The following SUCLG2 variants were observed in gnomAD, a reference collection of about 807,000 sequenced individuals.
The protein encoded by SUCLG2 is succinate-CoA ligase GDP-forming subunit beta, also known as succinate--CoA ligase [GDP-forming] subunit beta, mitochondrial.
Under a neutral mutation model 47.9 loss-of-function variants are expected in SUCLG2, and 42 were observed. That is an observed-to-expected ratio of 0.88 (90% CI 0.69 to 1.14). SUCLG2 has a LOEUF of 1.14. Ranked by LOEUF, SUCLG2 falls within the 50% of genes most tolerant of loss-of-function variation. The pLI is 0.00. For missense variants in SUCLG2, 571 were observed against 525.9 expected (o/e 1.09, Z -0.84); for synonymous variants, 195 against 197.3 (o/e 0.99, Z 0.10).
At chr3:67,609,391 A>T in intron 2 of SUCLG2, 64 bp downstream of exon 2, 1 of 1,546,306 alleles carries the variant, frequency 6.5e-7, no homozygotes, top group Non-Finnish European at 8.8e-7. Flanking sequence ...AACTAGTGGG[A>T]AGCCACTACC....
chr3:67,631,485 G>A lies in SUCLG2; in HGVS notation c.85-21889C>T, dbSNP rs949189873. Among the ~76,000 whole-genome samples the A allele has an allele frequency of 3.9e-5, 6 of 152,164 alleles. No homozygotes were observed. In the South Asian group the frequency reaches 8.3e-4, roughly 21 times the overall value. ...TCTACCAAAAATACAAAAAGTAGCC[G>A]GGCGTGGTGGATACGCCTGTAATCC... On this transcript the variant is annotated intron_variant, in intron 1 of 10. Transcript: ENST00000307227.
chr3:67,410,026 T>C (rs1423653277), intron 9 of SUCLG2, among the ~76,000 whole-genome samples: 2 of 152,214 alleles, frequency 1.3e-5, no homozygotes, highest in Non-Finnish European at 2.9e-5. Flanking sequence ...TCTACCTTAA[T>C]GTGAACTTTA....
At chr3:67,443,999 C>T (rs1187759059) in intron 9 of SUCLG2, among the ~76,000 whole-genome samples, 20 of 118,388 alleles carry the variant, frequency 1.7e-4, no homozygotes, top group East Asian at 3.3e-4. Context: ...CCGCCCCATC[C>T]GGGAGGGAGG....
intron 2 of SUCLG2, among the ~76,000 whole-genome samples, chr3:67,561,548 C>A (rs998575055): frequency 3.9e-5 from 6 of 152,260 alleles, no homozygotes; most frequent in Non-Finnish European, 8.8e-5. Context: ...AAAAAATGAG[C>A]TGGAAGATTA....
chr3:67,563,103 T>A (rs1431160647), intron 2 of SUCLG2, among the ~76,000 whole-genome samples: 1 of 149,216 alleles, frequency 6.7e-6, no homozygotes, highest in African/African-American at 2.4e-5. Flanking sequence ...AATTTTAATA[T>A]ATAATACATA....
chr3:67,563,959 CAA>C (rs756674869), intron 2 of SUCLG2, among the ~76,000 whole-genome samples: 939 of 78,086 alleles, frequency 0.012, 4 homozygotes, highest in East Asian at 0.037. Context: ...GACTCTGTCT[CAA>C]AAAAAAAAAA....
At chr3:67,543,084 G>T (rs925705930) in intron 2 of SUCLG2, among the ~76,000 whole-genome samples, 13 of 152,124 alleles carry the variant, frequency 8.5e-5, no homozygotes, top group Non-Finnish European at 1.8e-4. Context: ...ACATTCCTCA[G>T]CAAATGCAAA....
Position 67,503,110 on chromosome 3 carries a change from A to C in SUCLG2, c.758-4815T>G, listed in dbSNP as rs537010518. On this transcript the variant is annotated intron_variant, in intron 7 of 10. Transcript: ENST00000307227. ...GGCTGCCTTCCCAAGACAAAAGCAGAGGTGAGTAGTTGCAATACAGACTGT... is the reference window on the plus strand; with the variant it reads ...GGCTGCCTTCCCAAGACAAAAGCAGCGGTGAGTAGTTGCAATACAGACTGT... Among the ~76,000 whole-genome samples, 3 of 152,310 alleles carry C rather than the reference A, an allele frequency of 2.0e-5. No individual in the cohort carries two copies. In the East Asian group the frequency reaches 5.8e-4, roughly 29 times the overall value.
At position 67,375,137 on chromosome 3, in the gene SUCLG2, TATTA is replaced by T; in HGVS notation, c.*603_*606del. The stretch of plus-strand genomic sequence containing the variant: ...AAATGGTAAAAACACATGGATGGTA[TATTA>T]ATGCAGATATTCCATTATTAAATAT... On this transcript the variant is annotated 3_prime_UTR_variant, in exon 11 of 11. Coordinates refer to ENST00000307227, the MANE Select transcript of SUCLG2 (RefSeq NM_003848.4). 6.1e-6 allele frequency: 6 copies of T among 985,566 alleles called. No homozygotes were observed. Among genetic ancestry groups the T allele is most frequent in the Non-Finnish European group, 7.2e-6 (6 of 829,692 alleles). 61.1% of individuals were successfully genotyped at this position (985,566 alleles called of 1,614,324 possible).
chr3:67,387,280 G>A (rs1702279782), intron 10 of SUCLG2, among the ~76,000 whole-genome samples: 1 of 152,166 alleles, frequency 6.6e-6, no homozygotes, highest in Admixed American at 6.5e-5. Flanking sequence ...GTCAATGAGT[G>A]CATCAGTATT....
At chr3:67,604,966 T>C (rs750919094) in intron 2 of SUCLG2, among the ~76,000 whole-genome samples, 1 of 152,210 alleles carries the variant, frequency 6.6e-6, no homozygotes, top group Non-Finnish European at 1.5e-5. Context: ...TCCTAACACA[T>C]GATTAACAGG....
chr3:67,504,763 T>C (rs754105565), intron 7 of SUCLG2, among the ~76,000 whole-genome samples: 3 of 152,140 alleles, frequency 2.0e-5, no homozygotes, highest in Non-Finnish European at 2.9e-5. Flanking sequence ...GGAGTCTGTG[T>C]ACAGATAGAG....
Position 67,570,502 on chromosome 3 carries a change from G to T in SUCLG2, c.226+38953C>A, listed in dbSNP as rs116638846. 7.3e-3 allele frequency among the ~76,000 whole-genome samples: 1,110 copies of T among 152,266 alleles called. 12 individuals are homozygous for T. The highest frequency in any genetic ancestry group is 0.025 in the African/African-American group (1,051 of 41,546). ...GTCTTGGGAAAGAACAATTAAGGTG[G>T]GGCCAGCTACAGCCAATAGTCTTAG... On this transcript the variant is annotated intron_variant, in intron 2 of 10. Coordinates refer to ENST00000307227, the MANE Select transcript of SUCLG2 (RefSeq NM_003848.4).
At chr3:67,450,574 C>T (rs1559531285) in intron 9 of SUCLG2, among the ~76,000 whole-genome samples, 1 of 152,174 alleles carries the variant, frequency 6.6e-6, no homozygotes, top group Non-Finnish European at 1.5e-5. Flanking sequence ...CCTATATGCC[C>T]ATCATCTAGA....
At chr3:67,481,305 C>CCA (rs1704909500) in intron 9 of SUCLG2, among the ~76,000 whole-genome samples, 1 of 152,212 alleles carries the variant, frequency 6.6e-6, no homozygotes, top group Non-Finnish European at 1.5e-5. Flanking sequence ...ATGGGTCCAA[C>CCA]CACACACTTT....
At chr3:67,511,645 G>A (rs184458760) in intron 6 of SUCLG2, among the ~76,000 whole-genome samples, 52 of 152,228 alleles carry the variant, frequency 3.4e-4, no homozygotes, top group African/African-American at 1.0e-3. Context: ...ATCCAGTCAC[G>A]GGTATGTCTT....
intron 2 of SUCLG2, among the ~76,000 whole-genome samples, chr3:67,556,646 T>C (rs1246153662): frequency 6.6e-6 from 1 of 152,206 alleles, no homozygotes; most frequent in Non-Finnish European, 1.5e-5. Flanking sequence ...TGTTCAGCTC[T>C]AAAGTCACAG....
At chr3:67,547,422 T>C (rs889673858) in intron 2 of SUCLG2, among the ~76,000 whole-genome samples, 28 of 152,234 alleles carry the variant, frequency 1.8e-4, no homozygotes, top group African/African-American at 6.0e-4. Context: ...TTCAGCAACA[T>C]GGACATCCAG....
intron 5 of SUCLG2, among the ~76,000 whole-genome samples, chr3:67,518,761 A>C (rs1706019591): frequency 6.6e-6 from 1 of 152,180 alleles, no homozygotes; most frequent in Non-Finnish European, 1.5e-5. Context: ...TATTGATGAT[A>C]ATTATTACTG....
Sources: gnomAD v4.1 joint callset for allele counts (sites outside exome capture counted in the v4.1 genomes callset) on GRCh38, gnomAD v4.1.1 for gene constraint, MANE v1.5 for transcripts, NCBI Gene and HGNC (gene_info 2026-07-23, HGNC 2026-07-21) for gene names.